The following CDCA8 variants were observed in gnomAD, a reference collection of about 807,000 sequenced individuals.
CDCA8 encodes the protein borealin.
In CDCA8, 25 loss-of-function variants were observed where a neutral mutation model predicts 40.0. The observed-to-expected ratio is 0.63, with a 90% CI of 0.46 to 0.87. The LOEUF (loss-of-function observed/expected upper bound fraction) is 0.87. CDCA8 is among the 40% of genes least tolerant of loss of function. The pLI, the probability that CDCA8 is intolerant of heterozygous loss-of-function variation, is 0.00. For synonymous variants in CDCA8, 111 were observed against 126.5 expected (o/e 0.88, Z 0.82); for missense variants, 280 against 348.4 (o/e 0.80, Z 1.56).
At position 37,696,679 on chromosome 1, in the gene CDCA8, C is replaced by G. The variant is rs1427233328; in HGVS notation, c.264+729C>G. Among the ~76,000 whole-genome samples, 2 of 152,212 alleles carry G rather than the reference C, an allele frequency of 1.3e-5. No homozygotes were observed. The highest frequency in any genetic ancestry group is 2.9e-5 in the Non-Finnish European group (2 of 68,040). The stretch of plus-strand genomic sequence containing the variant: ...TAGGCACTCTAAAATAATATACAAA[C>G]AATGCGTGTGTATGCACGCATTTGT... On this transcript the variant is annotated intron_variant, in intron 3 of 9. Coordinates refer to ENST00000373055, the MANE Select transcript of CDCA8 (RefSeq NM_001256875.2). This position sits in a 1 kb window ranked among gnomAD's most constrained non-coding sequence, Gnocchi z 5.0.
At chr1:37,707,506 A>G (rs1645609541) in intron 9 of CDCA8, among the ~76,000 whole-genome samples, 1 of 152,128 alleles carries the variant, frequency 6.6e-6, no homozygotes, top group Admixed American at 6.6e-5. Context: ...TTTCTCTCAC[A>G]CATCTTCATT....
At position 37,709,506 on chromosome 1, in the gene CDCA8, T is replaced by A. The variant is rs928478222; in HGVS notation, c.*1140T>A. 3.9e-5 allele frequency: 6 copies of A among 152,204 alleles called. No individual in the cohort carries two copies. The highest frequency in any genetic ancestry group is 1.4e-4 in the African/African-American group (6 of 41,444). The allele number at this position is 152,204 out of a possible 1,614,324, so 9.4% of individuals were successfully genotyped here. Reference sequence around the variant, plus strand: ...GGCTTGAAGGCACATGGCTTTCTCATGTAGGGCTCTCTGTGGTATTTGTTA... The same window carrying A: ...GGCTTGAAGGCACATGGCTTTCTCAAGTAGGGCTCTCTGTGGTATTTGTTA... On this transcript the variant is annotated 3_prime_UTR_variant, in exon 10 of 10. Coordinates refer to ENST00000373055, the MANE Select transcript of CDCA8 (RefSeq NM_001256875.2).
chr1:37,702,557 C>T (rs975947037), intron 6 of CDCA8, among the ~76,000 whole-genome samples: 5 of 152,148 alleles, frequency 3.3e-5, no homozygotes, highest in Admixed American at 6.5e-5. Context: ...TGTGGAGGAG[C>T]GAACTCATTT....
intron 4 of CDCA8, among the ~76,000 whole-genome samples, chr1:37,699,390 T>A (rs1267433568): frequency 2.0e-5 from 3 of 152,094 alleles, no homozygotes; most frequent in African/African-American, 7.2e-5. Flanking sequence ...TCAACAAAGT[T>A]GAAAGCGAAT....
At chr1:37,701,886 G>T (rs1645567460) in intron 6 of CDCA8, 68 bp downstream of exon 6, 2 of 1,170,554 alleles carry the variant, frequency 1.7e-6, no homozygotes, top group Admixed American at 3.5e-5. Context: ...ATGGCAGAAA[G>T]TGAGGGGCAG....
intron 3 of CDCA8, among the ~76,000 whole-genome samples, chr1:37,697,057 C>T (rs1330150850): frequency 1.3e-5 from 2 of 152,216 alleles, no homozygotes; most frequent in Non-Finnish European, 2.9e-5. Flanking sequence ...CAAATGAGAA[C>T]TTCTAATGTA....
chr1:37,705,215 T>C (rs1050358257), intron 7 of CDCA8, among the ~76,000 whole-genome samples: 9 of 152,208 alleles, frequency 5.9e-5, no homozygotes, highest in Non-Finnish European at 1.2e-4. Context: ...TGGATAAGAG[T>C]TGGCTTTTTG....
Position 37,703,445 on chromosome 1 carries a change from G to A in CDCA8, c.584+98G>A. 7 of 897,570 alleles carry A rather than the reference G, an allele frequency of 7.8e-6. No homozygotes were observed. The South Asian group carries it at 8.0e-5, about 10-fold the overall frequency. The allele number at this position is 897,570 out of a possible 1,614,324, so 55.6% of individuals were successfully genotyped here. On this transcript the variant is annotated intron_variant, in intron 7 of 9. Transcript: ENST00000373055. ...AGAAAATACTCCTAGGCCAGGCACG[G>A]TAGCTCACGCCTGTAATACCAGCAC... is the stretch of plus-strand genomic sequence containing the variant.
At position 37,708,431 on chromosome 1, in the gene CDCA8, C is replaced by T. The variant is rs1223074508; in HGVS notation, c.*65C>T. ...CTGGGACCCTGAAGAGACTTCTTCCCTTCAGGCTTATTGTTTGAGTGTGAA... is the reference window on the plus strand; with the variant it reads ...CTGGGACCCTGAAGAGACTTCTTCCTTTCAGGCTTATTGTTTGAGTGTGAA... On this transcript the variant is annotated 3_prime_UTR_variant, in exon 10 of 10. Coordinates refer to ENST00000373055, the MANE Select transcript of CDCA8 (RefSeq NM_001256875.2). The T allele has an allele frequency of 4.2e-6, 6 of 1,443,912 alleles. No homozygotes were observed. Among genetic ancestry groups the T allele is most frequent in the Non-Finnish European group, 5.8e-6 (6 of 1,026,044 alleles). The allele number at this position is 1,443,912 out of a possible 1,614,324, so 89.4% of individuals were successfully genotyped here.
In CDCA8 at chr1:37,695,816, A is replaced by C. The variant is rs551425486; in HGVS notation, c.224-94A>C. On this transcript the variant is annotated intron_variant, in intron 2 of 9. Coordinates refer to ENST00000373055, the MANE Select transcript of CDCA8 (RefSeq NM_001256875.2). ...GGTGAAGGTCCTTGAAGGTTAGACC[A>C]AGGGCTGGACCAGTTTTAGAAAGAT... 2.7e-6 allele frequency: 3 copies of C among 1,120,954 alleles called. No homozygotes were observed. In the Admixed American group the frequency reaches 6.0e-5, roughly 22 times the overall value. 69.4% of individuals were successfully genotyped at this position (1,120,954 alleles called of 1,614,324 possible). A position where few individuals can be genotyped will look rare whatever the true frequency, so the allele number is the denominator to read the frequency against.
At chr1:37,692,825 G>A in intron 1 of CDCA8, 41 bp downstream of exon 1, 1 of 1,612,982 alleles carries the variant, frequency 6.2e-7, no homozygotes, top group African/African-American at 1.3e-5. Flanking sequence ...GGCGGTCGCG[G>A]GATGCTGGCG....
intron 7 of CDCA8, among the ~76,000 whole-genome samples, chr1:37,704,371 T>C (rs767982731): frequency 6.6e-6 from 1 of 152,248 alleles, no homozygotes; most frequent in Non-Finnish European, 1.5e-5. Flanking sequence ...AAGAACCTAG[T>C]TGACCAAATA....
At chr1:37,693,810 CCTT>C (rs1487295640) in intron 2 of CDCA8, among the ~76,000 whole-genome samples, 1 of 152,208 alleles carries the variant, frequency 6.6e-6, no homozygotes, top group Non-Finnish European at 1.5e-5. Flanking sequence ...CGAAGCAGCT[CCTT>C]CTGCAGCTTA....
At chr1:37,693,389 AATTT>A (rs1429943765) in intron 2 of CDCA8, among the ~76,000 whole-genome samples, 6 of 147,448 alleles carry the variant, frequency 4.1e-5, no homozygotes, top group African/African-American at 1.2e-4. Flanking sequence ...CACATCAGGA[AATTT>A]ATTTAATTTT....
At chr1:37,693,367 A>G (rs1488019684) in intron 2 of CDCA8, among the ~76,000 whole-genome samples, 3 of 152,050 alleles carry the variant, frequency 2.0e-5, no homozygotes, top group African/African-American at 7.2e-5. Context: ...TGTGAATTTC[A>G]CATAATTTTC....
At chr1:37,697,798 T>G (rs1008970798) in intron 3 of CDCA8, among the ~76,000 whole-genome samples, 1 of 152,242 alleles carries the variant, frequency 6.6e-6, no homozygotes, top group Non-Finnish European at 1.5e-5. Context: ...ATGCCCCTAC[T>G]TTCTGTTGCA....
At chr1:37,704,636 CTTTTTTTTTTTTTTT>C (rs145718694) in intron 7 of CDCA8, among the ~76,000 whole-genome samples, 3 of 86,456 alleles carry the variant, frequency 3.5e-5, no homozygotes, top group African/African-American at 1.4e-4. Flanking sequence ...TTAATTGCCA[CTTTTTTTTTTTTTTT>C]TTTTTTTTTT....
intron 1 of CDCA8, 28 bp from the exon 2 acceptor site, chr1:37,692,877 G>A (rs769747539): frequency 3.1e-6 from 5 of 1,613,416 alleles, no homozygotes; most frequent in African/African-American, 2.7e-5. Context: ...CCCGTGACCC[G>A]TGTCCTGTCG....
Position 37,703,288 on chromosome 1 carries a change from C to T in CDCA8, c.525C>T (p.Gly175=), listed in dbSNP as rs2148289481. Residue 175 remains glycine (G), a synonymous_variant, in exon 7 of 10, where the codon GGC becomes GGT. Transcript: ENST00000373055. ...CTAACACTGTTACCCCAGCCGTGGG[C>T]CGATTGGAGGTGTCCATGGTCAAAC... ...SRANTVTPAV[G]RLEVSMVKPT... 6.2e-7 allele frequency: 1 copy of T among 1,613,958 alleles called. No individual in the cohort carries two copies. The highest frequency in any genetic ancestry group is 1.3e-5 in the African/African-American group (1 of 75,036).
Sources: allele counts gnomAD v4.1 joint callset (sites outside exome capture counted in the v4.1 genomes callset), GRCh38; gene constraint gnomAD v4.1.1; non-coding constraint Gnocchi (gnomAD v3.1); transcripts MANE v1.5; gene names NCBI Gene and HGNC (gene_info 2026-07-23, HGNC 2026-07-21).